The following CLASP1 variants were observed in gnomAD, a reference collection of about 807,000 sequenced individuals.
The protein encoded by CLASP1 is cytoplasmic linker associated protein 1.
In CLASP1, 38 loss-of-function variants were observed where a neutral mutation model predicts 192.3. The observed-to-expected ratio is 0.20, with a 90% CI of 0.15 to 0.26. The LOEUF is 0.26. Among genes scored for constraint, CLASP1 ranks in the 10% least tolerant of loss-of-function variants. The pLI, the probability that CLASP1 is intolerant of heterozygous loss-of-function variation, is 1.00. For synonymous variants in CLASP1, 691 were observed against 712.8 expected (o/e 0.97, Z 0.49); for missense variants, 1,433 against 1,932.5 (o/e 0.74, Z 4.85).
chr2:121,397,391 C>T, intron 29 of CLASP1, 108 bp from the exon 31 acceptor site: 6 of 897,042 alleles, frequency 6.7e-6, no homozygotes, highest in Non-Finnish European at 1.0e-5. Context: ...GGATCTCCTT[C>T]CTTTCTCCTG....
At chr2:121,611,562 A>G (rs374875375) in intron 1 of CLASP1, among the ~76,000 whole-genome samples, 929 of 30,898 alleles carry the variant, frequency 0.03, no homozygotes, top group African/African-American at 0.063. Flanking sequence ...TGGAGGAGGA[A>G]GAGGAGTTAC....
At chr2:121,553,425 C>T (rs1001857450) in intron 2 of CLASP1, among the ~76,000 whole-genome samples, 7 of 151,984 alleles carry the variant, frequency 4.6e-5, no homozygotes, top group Non-Finnish European at 7.4e-5. Context: ...AAAAATGGGC[C>T]AGGCATGGTG....
chr2:121,534,004 C>A (rs933484078), intron 2 of CLASP1, among the ~76,000 whole-genome samples: 1 of 152,130 alleles, frequency 6.6e-6, no homozygotes, highest in Non-Finnish European at 1.5e-5. Context: ...ACACTCCTGC[C>A]GAGCACAACT....
chr2:121,397,458 G>C (rs2075474318), intron 29 of CLASP1, among the ~76,000 whole-genome samples, 175 bp from the exon 31 acceptor site: 3 of 152,194 alleles, frequency 2.0e-5, no homozygotes, highest in African/African-American at 7.2e-5. Context: ...TGAAATGGCT[G>C]ATGGGTAAGT....
At chr2:121,539,618 A>C (rs1242271734) in intron 2 of CLASP1, among the ~76,000 whole-genome samples, 1 of 152,244 alleles carries the variant, frequency 6.6e-6, no homozygotes, top group Non-Finnish European at 1.5e-5. Flanking sequence ...CATAAAGGAC[A>C]AGATTGATGA....
intron 34 of CLASP1, among the ~76,000 whole-genome samples, chr2:121,371,384 A>AG: frequency 6.6e-6 from 1 of 151,700 alleles, no homozygotes; most frequent in Non-Finnish European, 1.5e-5. Flanking sequence ...GGTGCACACC[A>AG]CCACATCTAG....
At chr2:121,516,029 AG>A in intron 6 of CLASP1, among the ~76,000 whole-genome samples, 1 of 152,220 alleles carries the variant, frequency 6.6e-6, no homozygotes. Flanking sequence ...CCGTTCTTTA[AG>A]GTAATTTTGG....
At chr2:121,457,859 T>A in intron 13 of CLASP1, 102 bp from the exon 14 acceptor site, 1 of 722,686 alleles carries the variant, frequency 1.4e-6, no homozygotes, top group Non-Finnish European at 2.4e-6. Flanking sequence ...AGCACATATA[T>A]ATTCAGATTA....
At position 121,461,090 on chromosome 2, in the gene CLASP1, C is replaced by A; in HGVS notation, c.1032+11G>T. ...TTATGAAAATGTAATCACATGAAGTCAACAGCTTACAGCATTTACTCTCTG... is the reference window on the plus strand; with the variant it reads ...TTATGAAAATGTAATCACATGAAGTAAACAGCTTACAGCATTTACTCTCTG... On this transcript the variant is annotated intron_variant, in intron 11 of 39. Transcript: ENST00000263710. 6.5e-7 allele frequency: 1 copy of A among 1,532,166 alleles called. No homozygotes were observed. The highest frequency in any genetic ancestry group is 1.2e-5 in the South Asian group (1 of 83,972). 94.9% of individuals were successfully genotyped at this position (1,532,166 alleles called of 1,614,324 possible).
intron 8 of CLASP1, among the ~76,000 whole-genome samples, chr2:121,491,785 C>G (rs1344088026): frequency 6.6e-6 from 1 of 152,176 alleles, no homozygotes; most frequent in Non-Finnish European, 1.5e-5. Flanking sequence ...GACAGGAAGC[C>G]CATTTCAAAT....
intron 1 of CLASP1, among the ~76,000 whole-genome samples, chr2:121,618,964 T>C (rs2106081167): frequency 6.6e-6 from 1 of 152,336 alleles, no homozygotes; most frequent in Non-Finnish European, 1.5e-5. Flanking sequence ...ACTGGATGGA[T>C]ATATAATTGT....
intron 8 of CLASP1, among the ~76,000 whole-genome samples, chr2:121,475,760 G>T (rs563393864): frequency 2.0e-5 from 3 of 152,032 alleles, no homozygotes; most frequent in East Asian, 1.9e-4. Context: ...ACATAAAATC[G>T]TCTTAAGGGG....
At chr2:121,634,824 G>A (rs2070493139) in intron 1 of CLASP1, among the ~76,000 whole-genome samples, 1 of 152,068 alleles carries the variant, frequency 6.6e-6, no homozygotes, top group Non-Finnish European at 1.5e-5. Context: ...CATGCCTGGA[G>A]GATAATTTAT....
intron 8 of CLASP1, among the ~76,000 whole-genome samples, chr2:121,481,806 C>T (rs1465529468): frequency 6.6e-6 from 1 of 152,172 alleles, no homozygotes; most frequent in Admixed American, 6.5e-5. Flanking sequence ...TTCTTCTCTC[C>T]AGCATTTCTC....
chr2:121,618,364 C>T (rs2066786984), intron 1 of CLASP1, among the ~76,000 whole-genome samples: 1 of 152,172 alleles, frequency 6.6e-6, no homozygotes, highest in African/African-American at 2.4e-5. Flanking sequence ...AGGTAGAAAA[C>T]ATCACAAGTA....
At chr2:121,395,270 A>G (rs773457351) in intron 30 of CLASP1, among the ~76,000 whole-genome samples, 1 of 152,216 alleles carries the variant, frequency 6.6e-6, no homozygotes, top group Non-Finnish European at 1.5e-5. Flanking sequence ...TATTGTTTCA[A>G]GCTAAGTATG....
exon 25 of CLASP1, chr2:121,407,535 A>T: frequency 6.2e-7 from 1 of 1,613,958 alleles, no homozygotes; most frequent in Non-Finnish European, 8.5e-7. Flanking sequence ...CTTTCTGACC[A>T]GTTTGAACTA....
At chr2:121,461,786 G>A (rs1274707928) in intron 10 of CLASP1, among the ~76,000 whole-genome samples, 3 of 152,080 alleles carry the variant, frequency 2.0e-5, no homozygotes, top group Non-Finnish European at 4.4e-5. Flanking sequence ...GTTCAAGGGA[G>A]CCTCACACCT....
chr2:121,648,709 G>A (rs558696024), intron 1 of CLASP1, among the ~76,000 whole-genome samples: 8 of 152,288 alleles, frequency 5.3e-5, no homozygotes, highest in African/African-American at 1.7e-4. Flanking sequence ...AACAACAAAG[G>A]CAAGTTGAGA....
Sources: gnomAD v4.1 joint callset for allele counts (sites outside exome capture counted in the v4.1 genomes callset) on GRCh38, gnomAD v4.1.1 for gene constraint, MANE v1.5 for transcripts, NCBI Gene and HGNC (gene_info 2026-07-23, HGNC 2026-07-21) for gene names.